GNA13: variants seen among roughly 807,000 people sequenced by gnomAD.
GNA13 encodes G protein subunit alpha 13.
In GNA13, 4 loss-of-function variants were observed where a neutral mutation model predicts 33.5. That is an observed-to-expected ratio of 0.12 (90% CI 0.06 to 0.27). GNA13 has a LOEUF of 0.27. Ranked by LOEUF, GNA13 falls within the 10% of genes least tolerant of loss-of-function variation. The pLI, the probability that GNA13 is intolerant of heterozygous loss-of-function variation, is 1.00. For synonymous variants in GNA13, 176 were observed against 183.8 expected (o/e 0.96, Z 0.34); for missense variants, 319 against 487.2 (o/e 0.65, Z 3.25).
chr17:65,020,525 C>T (rs779205010), intron 2 of GNA13, among the ~76,000 whole-genome samples: 9 of 152,246 alleles, frequency 5.9e-5, no homozygotes, highest in South Asian at 2.1e-4. Context: ...GTTGCTTCCA[C>T]GTTCTTTGCT....
intron 3 of GNA13, 128 bp downstream of exon 3, chr17:65,018,125 A>AGAGAGAGAGAG: frequency 9.0e-6 from 2 of 222,928 alleles, no homozygotes; most frequent in Non-Finnish European, 1.7e-5. Context: ...AAAAAAAAAA[A>AGAGAGAGAGAG]AAAAAAAAAA....
chr17:65,040,741 T>C (rs1907423226), intron 2 of GNA13, among the ~76,000 whole-genome samples: 1 of 152,200 alleles, frequency 6.6e-6, no homozygotes, highest in Non-Finnish European at 1.5e-5. Flanking sequence ...TCTGCCTGCC[T>C]TGGACTCCCA....
chr17:65,053,670 T>C lies in GNA13; in HGVS notation c.342A>G (p.Ser114=), dbSNP rs1907935822. The C allele has an allele frequency of 6.2e-7, 1 of 1,614,134 alleles. No homozygotes were observed. The highest frequency in any genetic ancestry group is 1.3e-5 in the African/African-American group (1 of 75,042). ...EKLHIPWGDN[S]NQQHGDKMMS... is the part of the protein sequence containing the mutation. Reference sequence around the variant, plus strand: ...TCATCTTATCTCCATGTTGTTGGTTTGAGTTGTCTCCCCAGGGAATATGAA... The same window carrying C: ...TCATCTTATCTCCATGTTGTTGGTTCGAGTTGTCTCCCCAGGGAATATGAA... The change falls in exon 2 of 4, where the codon TCA becomes TCG. Residue 114 remains serine, a synonymous_variant. Transcript: ENST00000439174.
At position 65,056,305 on chromosome 17, in the gene GNA13, C is replaced by G. The variant is rs375336540; in HGVS notation, c.283+6G>C. 1.3e-4 allele frequency: 208 copies of G among 1,603,730 alleles called. No individual in the cohort carries two copies. Among genetic ancestry groups the G allele is most frequent in the Non-Finnish European group, 1.7e-4 (196 of 1,178,010 alleles). On this transcript the variant is annotated splice_donor_region_variant and intron_variant, in intron 1 of 3. Coordinates refer to ENST00000439174, the MANE Select transcript of GNA13 (RefSeq NM_006572.6). Reference sequence around the variant, plus strand: ...TAACCCCCGGCCCCCATTCCCGGCCCGGCACCTTTGATCACGTTGCTGTAG... The same window carrying G: ...TAACCCCCGGCCCCCATTCCCGGCCGGGCACCTTTGATCACGTTGCTGTAG...
chr17:65,056,051 G>A (rs950259610), intron 1 of GNA13, among the ~76,000 whole-genome samples: 1 of 152,088 alleles, frequency 6.6e-6, no homozygotes, highest in African/African-American at 2.4e-5. Flanking sequence ...CGCGGTGGGG[G>A]GTGGGGGAAT....
chr17:65,015,536 G>A (rs941101666), intron 3 of GNA13, among the ~76,000 whole-genome samples: 9 of 151,876 alleles, frequency 5.9e-5, no homozygotes, highest in African/African-American at 1.7e-4. Flanking sequence ...GGTGGCGGGC[G>A]CCTGTAGTCC....
Position 65,012,134 on chromosome 17 carries a change from G to A in GNA13, c.*2123C>T, listed in dbSNP as rs1906210318. Reference sequence around the variant, plus strand: ...TTTGGTGTTTCAACACTTCTTGGTGGTAATTCAAAAGGGGGAAACTTGGTG... The same window carrying A: ...TTTGGTGTTTCAACACTTCTTGGTGATAATTCAAAAGGGGGAAACTTGGTG... On this transcript the variant is annotated 3_prime_UTR_variant, in exon 4 of 4. Transcript: ENST00000439174. The A allele has an allele frequency of 4.5e-6, 1 of 224,688 alleles. No homozygotes were observed. Among genetic ancestry groups the A allele is most frequent in the South Asian group, 1.8e-4 (1 of 5,438 alleles). 13.9% of individuals were successfully genotyped at this position (224,688 alleles called of 1,614,324 possible).
In GNA13 at chr17:65,010,806, TA is replaced by T. The variant is rs1326293444; in HGVS notation, c.*3450del. 1 of 211,320 alleles carries T rather than the reference TA, an allele frequency of 4.7e-6. No homozygotes were observed. The highest frequency in any genetic ancestry group is 5.9e-5 in the Admixed American group (1 of 17,016). The allele number at this position is 211,320 out of a possible 1,614,324, so 13.1% of individuals were successfully genotyped here. A position where few individuals can be genotyped will look rare whatever the true frequency, so the allele number is the denominator to read the frequency against. ...GATTCAAACAAGAAATTAACACTGA[TA>T]TTTAGCCTTCTCATGACATACACAG... On this transcript the variant is annotated 3_prime_UTR_variant, in exon 4 of 4. Transcript: ENST00000439174.
intron 2 of GNA13, 93 bp from the exon 3 acceptor site, chr17:65,018,396 A>T: frequency 1.4e-6 from 1 of 729,774 alleles, no homozygotes; most frequent in Non-Finnish European, 2.5e-6. Flanking sequence ...TTGTACACTT[A>T]ACCCAAACAG....
chr17:65,053,632 G>A lies in GNA13; in HGVS notation c.380C>T (p.Thr127Ile). 6.2e-7 allele frequency: 1 copy of A among 1,613,478 alleles called. No homozygotes were observed. The highest frequency in any genetic ancestry group is 8.5e-7 in the Non-Finnish European group (1 of 1,179,490). Residue 127 changes from threonine (T) to isoleucine (I), a missense_variant, in exon 2 of 4, where the codon ACC becomes ATC. Physicochemically the swap from Thr to Ile is moderately conservative, Grantham distance 89 (BLOSUM62 -1). Around this residue, in one of 4 missense-constraint regions of GNA13, gnomAD observed 136 missense variants for 159.3 expected, o/e 0.85. Coordinates refer to ENST00000439174, the MANE Select transcript of GNA13 (RefSeq NM_006572.6). The part of the protein sequence containing the change: ...QHGDKMMSFD[T>I]RAPMAAQGMV... ...TCCTTGGGCTGCCATGGGGGCCCGGGTATCAAACGACATCATCTTATCTCC... is the reference window on the plus strand; with the variant it reads ...TCCTTGGGCTGCCATGGGGGCCCGGATATCAAACGACATCATCTTATCTCC...
In GNA13 at chr17:65,012,337, T is replaced by C. The variant is rs1198780610; in HGVS notation, c.*1920A>G. 6 of 223,776 alleles carry C rather than the reference T, an allele frequency of 2.7e-5. No homozygotes were observed. Among genetic ancestry groups the C allele is most frequent in the Admixed American group, 1.7e-4 (3 of 17,444 alleles). The allele number at this position is 223,776 out of a possible 1,614,324, so 13.9% of individuals were successfully genotyped here. A position where few individuals can be genotyped will look rare whatever the true frequency, so the allele number is the denominator to read the frequency against. On this transcript the variant is annotated 3_prime_UTR_variant, in exon 4 of 4. Transcript: ENST00000439174. The stretch of plus-strand genomic sequence containing the variant: ...AACTCTCCAATGAATAGTCCAAATG[T>C]TACTGTGCACATATTCCGATATTCA...
chr17:65,025,760 G>A lies in GNA13; in HGVS notation c.511-7457C>T, dbSNP rs537754793. 3.3e-5 allele frequency among the ~76,000 whole-genome samples: 5 copies of A among 149,350 alleles called. No individual in the cohort carries two copies. In the East Asian group the frequency reaches 9.8e-4, roughly 29 times the overall value. ...TTTGGGAGGCTAAAGAGCAAGGATC[G>A]CCTGAGCCCAGGAGTTCGAGACCCA... On this transcript the variant is annotated intron_variant, in intron 2 of 3. Transcript: ENST00000439174.
chr17:65,014,432 C>G lies in GNA13; in HGVS notation c.959G>C (p.Arg320Thr). The G allele has an allele frequency of 1.9e-6, 3 of 1,614,204 alleles. No homozygotes were observed. The highest frequency in any genetic ancestry group is 2.5e-6 in the Non-Finnish European group (3 of 1,180,032). ...LEFEGDPHCL[R>T]DVQKFLVECF... ...TTCCACCAGGAATTTTTGGACGTCT[C>G]TTAAGCAGTGGGGATCCCCTTCAAA... The change falls in exon 4 of 4, where the codon AGA (arginine) becomes ACA (threonine). Residue 320 changes from arginine (R) to threonine (T), a missense_variant. Around this residue, in one of 4 missense-constraint regions of GNA13, gnomAD observed 134 missense variants for 241.3 expected, o/e 0.56. Coordinates refer to ENST00000439174, the MANE Select transcript of GNA13 (RefSeq NM_006572.6). The surrounding 1 kb of genome is among the most constrained non-coding windows in gnomAD (Gnocchi z 5.3).
intron 2 of GNA13, among the ~76,000 whole-genome samples, chr17:65,049,738 T>C (rs1421560817): frequency 6.6e-6 from 1 of 152,202 alleles, no homozygotes; most frequent in East Asian, 1.9e-4. Context: ...AAACCACCTA[T>C]GGCTATTTGC....
At position 65,011,604 on chromosome 17, in the gene GNA13, T is replaced by C. The variant is rs1906191805; in HGVS notation, c.*2653A>G. ...TGTATATACATTTCTTCAAGGTCAATGAAGACACTTGTGTGATATTTCCTC... is the reference window on the plus strand; with the variant it reads ...TGTATATACATTTCTTCAAGGTCAACGAAGACACTTGTGTGATATTTCCTC... On this transcript the variant is annotated 3_prime_UTR_variant, in exon 4 of 4. Transcript: ENST00000439174. 4.6e-6 allele frequency: 1 copy of C among 217,320 alleles called. No homozygotes were observed. Among genetic ancestry groups the C allele is most frequent in the Non-Finnish European group, 9.3e-6 (1 of 107,846 alleles). 13.5% of individuals were successfully genotyped at this position (217,320 alleles called of 1,614,324 possible).
chr17:65,025,823 A>G (rs1463009766), intron 2 of GNA13, among the ~76,000 whole-genome samples: 1 of 151,382 alleles, frequency 6.6e-6, no homozygotes, highest in Non-Finnish European at 1.5e-5. Context: ...TCTACAAAAA[A>G]AAAAAAAAAA....
chr17:65,013,493 A>C lies in GNA13; in HGVS notation c.*764T>G, dbSNP rs965788188. ...GAATGTTTCACATATGGTACATTAA[A>C]CTACATGATAATTAAATATGAGAAA... On this transcript the variant is annotated 3_prime_UTR_variant, in exon 4 of 4. Transcript: ENST00000439174. 2.3e-5 allele frequency: 5 copies of C among 212,954 alleles called. No individual in the cohort carries two copies. Among genetic ancestry groups the C allele is most frequent in the African/African-American group, 1.1e-4 (5 of 44,256 alleles). 13.2% of individuals were successfully genotyped at this position (212,954 alleles called of 1,614,324 possible).
At chr17:65,036,912 A>G (rs1404740870) in intron 2 of GNA13, among the ~76,000 whole-genome samples, 1 of 152,160 alleles carries the variant, frequency 6.6e-6, no homozygotes, top group Non-Finnish European at 1.5e-5. Flanking sequence ...TGATCATTTC[A>G]TTTGCTCCCC....
intron 2 of GNA13, among the ~76,000 whole-genome samples, chr17:65,035,773 C>T (rs1284204993): frequency 4.0e-5 from 6 of 149,694 alleles, no homozygotes; most frequent in East Asian, 1.9e-4. Context: ...TAGAACCCTT[C>T]GTTGTTAATT....
Sources: gnomAD v4.1 joint callset for allele counts (sites outside exome capture counted in the v4.1 genomes callset) on GRCh38, gnomAD v4.1.1 for gene constraint, gnomAD v4.1.1 regional missense constraint, Gnocchi (gnomAD v3.1) non-coding constraint, MANE v1.5 for transcripts, NCBI Gene and HGNC (gene_info 2026-07-23, HGNC 2026-07-21) for gene names.